The following COL21A1 variants were observed in gnomAD, a reference collection of about 807,000 sequenced individuals.
COL21A1 encodes the protein collagen type XXI alpha 1 chain.
Under a neutral mutation model 137.9 loss-of-function variants are expected in COL21A1, and 149 were observed. That is an observed-to-expected ratio of 1.08 (90% CI 0.95 to 1.24). The LOEUF (loss-of-function observed/expected upper bound fraction) is 1.24. Ranked by LOEUF, COL21A1 falls within the 50% of genes most tolerant of loss-of-function variation. COL21A1 has a pLI of 0.00. For synonymous variants in COL21A1, 456 were observed against 391.5 expected, an observed-to-expected ratio of 1.16 and a Z score of -1.95; for missense variants, 1,167 against 1,158.4, an observed-to-expected ratio of 1.01 and a Z score of -0.11.
intron 1 of COL21A1, among the ~76,000 whole-genome samples, chr6:56,323,127 T>G (rs1764915088): frequency 6.6e-6 from 1 of 152,070 alleles, no homozygotes; most frequent in Admixed American, 6.6e-5. Context: ...CACTACACAA[T>G]ATATCCATGC....
At chr6:56,104,776 G>A (rs1175998511) in intron 16 of COL21A1, among the ~76,000 whole-genome samples, 1 of 152,006 alleles carries the variant, frequency 6.6e-6, no homozygotes, top group Admixed American at 6.6e-5. Flanking sequence ...TTAAAAAAAA[G>A]GAAATTTAAC....
chr6:56,104,643 A>C (rs964852302), intron 16 of COL21A1, among the ~76,000 whole-genome samples: 2 of 152,190 alleles, frequency 1.3e-5, no homozygotes, highest in African/African-American at 4.8e-5. Flanking sequence ...TTGTTTTTCT[A>C]TTCTGTTATT....
intron 9 of COL21A1, among the ~76,000 whole-genome samples, chr6:56,163,722 T>A (rs976767760): frequency 2.0e-5 from 3 of 151,426 alleles, no homozygotes; most frequent in Admixed American, 6.6e-5. Context: ...AAAAAAAAAA[T>A]TTAGTCATTA....
intron 1 of COL21A1, among the ~76,000 whole-genome samples, chr6:56,256,197 T>A (rs1782967720): frequency 6.6e-6 from 1 of 152,172 alleles, no homozygotes; most frequent in African/African-American, 2.4e-5. Context: ...AATTCAATGG[T>A]CTCATAACAC....
intron 1 of COL21A1, among the ~76,000 whole-genome samples, chr6:56,340,734 T>C (rs765636981): frequency 3.3e-4 from 51 of 152,318 alleles, no homozygotes; most frequent in Non-Finnish European, 5.6e-4. Flanking sequence ...AATATTTTTC[T>C]CACACTGGAG....
At position 56,243,141 on chromosome 6, in the gene COL21A1, A is replaced by C. The variant is rs115582865; in HGVS notation, c.-39+4246T>G. On this transcript the variant is annotated intron_variant, in intron 1 of 29. Transcript: ENST00000244728. The stretch of plus-strand genomic sequence containing the variant: ...CTAAAAATTCTATGAGTACATGAGA[A>C]TCCCATGAATATAGTGTGTAGATAT... Among the ~76,000 whole-genome samples, 945 of 152,290 alleles carry C rather than the reference A, an allele frequency of 6.2e-3. 13 individuals are homozygous for C. The highest frequency in any genetic ancestry group is 0.021 in the African/African-American group (878 of 41,582).
At chr6:56,143,685 A>G (rs1561912576) in intron 10 of COL21A1, among the ~76,000 whole-genome samples, 1 of 152,060 alleles carries the variant, frequency 6.6e-6, no homozygotes. Flanking sequence ...CAACCTCTCC[A>G]TACTCCAGAC....
At chr6:56,318,494 G>A (rs1764793078) in intron 1 of COL21A1, among the ~76,000 whole-genome samples, 1 of 151,840 alleles carries the variant, frequency 6.6e-6, no homozygotes, top group Non-Finnish European at 1.5e-5. Flanking sequence ...TCAGCTGATG[G>A]CCACATTTCC....
At chr6:56,332,205 G>T (rs1018004607) in intron 1 of COL21A1, 2 of 151,994 alleles carry the variant, frequency 1.3e-5, no homozygotes, top group African/African-American at 4.8e-5. Flanking sequence ...GATGAGAGTT[G>T]TGTTGAATAT....
intron 1 of COL21A1, among the ~76,000 whole-genome samples, chr6:56,222,671 A>T (rs186815301): frequency 3.3e-5 from 5 of 152,152 alleles, no homozygotes; most frequent in Non-Finnish European, 7.4e-5. Flanking sequence ...TTTAAGGTTC[A>T]GAAAAAAATC....
chr6:56,350,175 A>G (rs1270085056), intron 1 of COL21A1, among the ~76,000 whole-genome samples: 1 of 152,220 alleles, frequency 6.6e-6, no homozygotes, highest in African/African-American at 2.4e-5. Flanking sequence ...AGGATTCAAT[A>G]TACACTTGCA....
At chr6:56,071,138 G>T (rs1766715541) in intron 20 of COL21A1, among the ~76,000 whole-genome samples, 1 of 151,422 alleles carries the variant, frequency 6.6e-6, no homozygotes, top group South Asian at 2.1e-4. Context: ...GCATCCTCCG[G>T]GCTGAGATCC....
intron 17 of COL21A1, among the ~76,000 whole-genome samples, chr6:56,098,414 A>T (rs868648601): frequency 6.1e-4 from 4 of 6,554 alleles, no homozygotes; most frequent in African/African-American, 2.0e-3. Flanking sequence ...AATATATATA[A>T]ATATATAAAT....
At chr6:56,263,106 C>T (rs545447972) in intron 1 of COL21A1, among the ~76,000 whole-genome samples, 3 of 152,342 alleles carry the variant, frequency 2.0e-5, no homozygotes, top group South Asian at 4.1e-4. Flanking sequence ...AGAATGCAGA[C>T]TCCACAAAAG....
At chr6:56,194,815 T>C (rs1177554810) in intron 1 of COL21A1, among the ~76,000 whole-genome samples, 1 of 125,960 alleles carries the variant, frequency 7.9e-6, no homozygotes, top group African/African-American at 3.3e-5. Flanking sequence ...TCATTTTGGC[T>C]ACAGTTTGAA....
At chr6:56,383,058 T>C (rs1281637594) in intron 1 of COL21A1, among the ~76,000 whole-genome samples, 2 of 152,176 alleles carry the variant, frequency 1.3e-5, no homozygotes, top group Admixed American at 1.3e-4. Context: ...CCTTGAAACA[T>C]TGTCAATACA....
intron 1 of COL21A1, among the ~76,000 whole-genome samples, chr6:56,373,214 C>T (rs757199877): frequency 1.3e-5 from 2 of 152,198 alleles, no homozygotes; most frequent in Non-Finnish European, 2.9e-5. Flanking sequence ...GAGCCATATT[C>T]CAGTTGGTGA....
Position 56,368,488 on chromosome 6 carries a change from C to T in COL21A1, c.-39+25483G>A, listed in dbSNP as rs144922680. Among the ~76,000 whole-genome samples the T allele has an allele frequency of 8.7e-3, 1,320 of 152,274 alleles. 5 individuals carry two copies. The highest frequency in any genetic ancestry group is 0.017 in the South Asian group (80 of 4,820). On this transcript the variant is annotated intron_variant, in intron 1 of 28. Transcript: ENST00000370819. ...TTCAATGTGAAATGGCTTGATTTGT[C>T]TACAGTTAGAAGAAAATCTCGGTTA...
At chr6:56,218,454 A>G (rs1386988297) in intron 1 of COL21A1, among the ~76,000 whole-genome samples, 4 of 152,126 alleles carry the variant, frequency 2.6e-5, no homozygotes, top group African/African-American at 4.8e-5. Context: ...TTATAAATCT[A>G]TAAGACAACA....
Sources: gnomAD v4.1 joint callset for allele counts (sites outside exome capture counted in the v4.1 genomes callset) on GRCh38, gnomAD v4.1.1 for gene constraint, MANE v1.5 for transcripts, NCBI Gene and HGNC (gene_info 2026-07-23, HGNC 2026-07-21) for gene names.